Variants in NRXN3 observed in about 807,000 individuals in gnomAD.
NRXN3 encodes the protein neurexin III.
A neutral mutation model predicts 137.6 loss-of-function variants in NRXN3; 32 were observed. The observed-to-expected ratio is 0.23, with a 90% CI of 0.18 to 0.31. The LOEUF is 0.31. Ranked by LOEUF, NRXN3 falls within the 10% of genes least tolerant of loss-of-function variation. NRXN3 has a pLI of 1.00. For synonymous variants in NRXN3, 798 were observed against 784.5 expected (o/e 1.02, Z -0.29); for missense variants, 1,574 against 2,062.5 (o/e 0.76, Z 4.59).
At chr14:79,025,474 C>T (rs2099596498) in intron 15 of NRXN3, among the ~76,000 whole-genome samples, 1 of 152,104 alleles carries the variant, frequency 6.6e-6, no homozygotes, top group Non-Finnish European at 1.5e-5. Flanking sequence ...CGTGTGTTCC[C>T]CCGATACCTT....
At chr14:79,676,933 G>T (rs1025767594) in intron 17 of NRXN3, among the ~76,000 whole-genome samples, 3 of 152,002 alleles carry the variant, frequency 2.0e-5, no homozygotes, top group Admixed American at 2.0e-4. Flanking sequence ...TTTTAAAAAG[G>T]AAAGAAACAA....
At chr14:78,541,606 C>G (rs958708441) in intron 4 of NRXN3, among the ~76,000 whole-genome samples, 8 of 152,136 alleles carry the variant, frequency 5.3e-5, no homozygotes, top group Non-Finnish European at 1.0e-4. Flanking sequence ...CCTTCTGAAG[C>G]CTACTTCTGT....
chr14:79,814,315 T>C (rs1269805178), intron 20 of NRXN3, among the ~76,000 whole-genome samples: 1 of 152,350 alleles, frequency 6.6e-6, no homozygotes, highest in East Asian at 1.9e-4. Flanking sequence ...ACTGTCGTGG[T>C]GTTGTTCTGT....
rs988868362 is a variant in NRXN3, at chr14:79,469,467, C to A, written c.3444+2065C>A. On this transcript the variant is annotated intron_variant, in intron 16 of 20. Coordinates refer to ENST00000335750, the MANE Select transcript of NRXN3 (RefSeq NM_001330195.2). ...ACATACTTTGAGATTCAGGTAACAT[C>A]CATTGTGTGCATTTATTAGTGTGTG... Among the ~76,000 whole-genome samples the A allele has an allele frequency of 5.9e-5, 9 of 152,122 alleles. No individual in the cohort carries two copies. In the East Asian group the frequency reaches 9.6e-4, roughly 16 times the overall value.
At chr14:79,760,538 G>A (rs1336942929) in intron 19 of NRXN3, 5 of 149,028 alleles carry the variant, frequency 3.4e-5, no homozygotes, top group Non-Finnish European at 7.4e-5. Context: ...GAAAAATAAG[G>A]AGAAAAAATA....
intron 15 of NRXN3, among the ~76,000 whole-genome samples, chr14:79,172,878 T>C (rs1394904320): frequency 6.6e-6 from 1 of 152,102 alleles, no homozygotes; most frequent in Non-Finnish European, 1.5e-5. Flanking sequence ...AGTGGGCAAA[T>C]AGATTAAAGG....
At chr14:79,819,482 C>CTTTTT (rs58492725) in intron 20 of NRXN3, among the ~76,000 whole-genome samples, 1,692 of 71,758 alleles carry the variant, frequency 0.024, 222 homozygotes, top group African/African-American at 0.078. Flanking sequence ...ACATTAAAAG[C>CTTTTT]TTTTTTTTTT....
In NRXN3 at chr14:79,867,302, T is replaced by A. The variant is rs2099418443; in HGVS notation, c.*5338T>A. On this transcript the variant is annotated 3_prime_UTR_variant, in exon 21 of 21. Transcript: ENST00000335750. The stretch of plus-strand genomic sequence containing the variant: ...GGATATTGTGTTAGTCTACTGGGAT[T>A]ACCCTGGCAAAATACCACAGGCTGG... 6.6e-6 allele frequency: 1 copy of A among 152,322 alleles called. No homozygotes were observed. The highest frequency in any genetic ancestry group is 6.5e-5 in the Admixed American group (1 of 15,302). The allele number at this position is 152,322 out of a possible 1,614,324, so 9.4% of individuals were successfully genotyped here.
intron 15 of NRXN3, among the ~76,000 whole-genome samples, chr14:78,991,080 C>A (rs548801490): frequency 6.6e-6 from 1 of 152,292 alleles, no homozygotes; most frequent in South Asian, 2.1e-4. Context: ...TCATCACCGG[C>A]AGACTTGAAT....
intron 15 of NRXN3, among the ~76,000 whole-genome samples, chr14:79,126,293 T>G (rs10145549): frequency 0.047 from 7,074 of 151,648 alleles, 589 homozygotes; most frequent in African/African-American, 0.16. Context: ...TCATCTAGCA[T>G]TAGGTATATC....
In NRXN3 at chr14:79,583,406, C is replaced by T. The variant is rs75358172; in HGVS notation, c.3445-80372C>T. On this transcript the variant is annotated intron_variant, in intron 16 of 20. Transcript: ENST00000335750. The stretch of plus-strand genomic sequence containing the variant: ...TGCCCCCTTTTTGCAGAAGTAAGCT[C>T]CTTTAGTGATTTTCATCTCATTTTC... Among the ~76,000 whole-genome samples the T allele has an allele frequency of 0.015, 2,292 of 152,120 alleles. 164 individuals carry two copies. In the East Asian group the frequency reaches 0.24, roughly 16 times the overall value.
chr14:79,293,105 G>A (rs907937811), intron 15 of NRXN3, among the ~76,000 whole-genome samples: 6 of 152,128 alleles, frequency 3.9e-5, no homozygotes, highest in Admixed American at 2.0e-4. Context: ...GCCATTTTAT[G>A]TGTGTGTATT....
intron 10 of NRXN3, among the ~76,000 whole-genome samples, chr14:78,855,791 T>C (rs2099055427): frequency 6.6e-6 from 1 of 152,216 alleles, no homozygotes; most frequent in Non-Finnish European, 1.5e-5. Flanking sequence ...AATATACAGA[T>C]TTTTCTTATT....
chr14:79,191,855 A>G (rs2064381138), intron 15 of NRXN3, among the ~76,000 whole-genome samples: 1 of 152,134 alleles, frequency 6.6e-6, no homozygotes, highest in Non-Finnish European at 1.5e-5. Flanking sequence ...ACTGGCGATG[A>G]GTAAGCATGC....
intron 19 of NRXN3, among the ~76,000 whole-genome samples, chr14:79,781,087 A>T (rs1030610931): frequency 6.6e-6 from 1 of 152,044 alleles, no homozygotes; most frequent in Non-Finnish European, 1.5e-5. Flanking sequence ...ACTACATAGA[A>T]GTCTACTTTG....
intron 15 of NRXN3, among the ~76,000 whole-genome samples, chr14:79,002,363 C>T (rs1435058462): frequency 6.6e-6 from 1 of 152,082 alleles, no homozygotes; most frequent in Non-Finnish European, 1.5e-5. Flanking sequence ...AATGCTCTCC[C>T]TCCTCTGATC....
intron 8 of NRXN3, among the ~76,000 whole-genome samples, chr14:78,726,080 C>A (rs1469484214): frequency 6.6e-6 from 1 of 152,188 alleles, no homozygotes. Flanking sequence ...CAAGGATTCT[C>A]ACCTCTTCAT....
chr14:78,770,307 G>A (rs1435467213), intron 8 of NRXN3, among the ~76,000 whole-genome samples: 6 of 152,156 alleles, frequency 3.9e-5, no homozygotes, highest in Non-Finnish European at 8.8e-5. Context: ...CCGTGGCGTG[G>A]CCTGTAGGTG....
intron 16 of NRXN3, among the ~76,000 whole-genome samples, chr14:79,623,088 G>A (rs2098242311): frequency 6.6e-6 from 1 of 152,018 alleles, no homozygotes; most frequent in Non-Finnish European, 1.5e-5. Flanking sequence ...CTATTCTGTG[G>A]CCAGGGAAAC....
Sources: allele counts gnomAD v4.1 joint callset (sites outside exome capture counted in the v4.1 genomes callset), GRCh38; gene constraint gnomAD v4.1.1; transcripts MANE v1.5; gene names NCBI Gene and HGNC (gene_info 2026-07-23, HGNC 2026-07-21).